Variants in RAD51C observed in about 807,000 individuals in gnomAD.
RAD51C encodes the protein RAD51 paralog C, also known as DNA repair protein RAD51 homolog 3.
RAD51C carries 42 observed loss-of-function variants against 45.0 expected under a neutral mutation model. That is an observed-to-expected ratio of 0.93 (90% CI 0.73 to 1.21). The LOEUF is 1.21. Ranked by LOEUF, RAD51C falls within the 50% of genes most tolerant of loss-of-function variation. The probability of loss-of-function intolerance (pLI) is 0.00; values close to 1 mark genes in which losing one functional copy is unlikely to be tolerated. For missense variants in RAD51C, 474 were observed against 452.2 expected (o/e 1.05, Z -0.44); for synonymous variants, 172 against 159.8 (o/e 1.08, Z -0.58).
At position 58,734,280 on chromosome 17, in the gene RAD51C, A is replaced by G; in HGVS notation, c.*58A>G. On this transcript the variant is annotated 3_prime_UTR_variant, in exon 9 of 9. Transcript: ENST00000337432. ...TTGATGTTGTGAAATCAATGTGTAC[A>G]AGTGGACTTGTTACCTTAAAGTATA... 6.4e-7 allele frequency: 1 copy of G among 1,572,684 alleles called. No homozygotes were observed. Among genetic ancestry groups the G allele is most frequent in the Non-Finnish European group, 8.7e-7 (1 of 1,155,964 alleles).
At chr17:58,712,243 G>A (rs2048579952) in intron 5 of RAD51C, among the ~76,000 whole-genome samples, 1 of 151,086 alleles carries the variant, frequency 6.6e-6, no homozygotes, top group Non-Finnish European at 1.5e-5. Context: ...TACTCAGGAG[G>A]CTGAGGCAGG....
intron 5 of RAD51C, 37 bp from the exon 6 acceptor site, chr17:58,720,709 G>A (rs2048887930): frequency 2.7e-6 from 4 of 1,506,548 alleles, no homozygotes; most frequent in Non-Finnish European, 3.7e-6. Flanking sequence ...AATTTTCAAA[G>A]AGACTCACCT....
intron 5 of RAD51C, among the ~76,000 whole-genome samples, chr17:58,719,964 G>A (rs917310317): frequency 1.1e-4 from 17 of 150,894 alleles, no homozygotes; most frequent in Non-Finnish European, 2.1e-4. Flanking sequence ...TCCTGACCTC[G>A]TGATCCGCTC....
chr17:58,712,466 ATTG>A (rs1476511552), intron 5 of RAD51C, among the ~76,000 whole-genome samples: 7 of 152,230 alleles, frequency 4.6e-5, no homozygotes, highest in East Asian at 3.9e-4. Context: ...TTGTGTAAAT[ATTG>A]TTGTCTGGTG....
intron 7 of RAD51C, among the ~76,000 whole-genome samples, chr17:58,727,692 T>C (rs1421874576): frequency 3.3e-5 from 5 of 152,072 alleles, no homozygotes; most frequent in African/African-American, 4.8e-5. Context: ...ATCTTTAAGT[T>C]GTTAAAGTTG....
In RAD51C at chr17:58,724,033, C is replaced by G. The variant is rs757624360; in HGVS notation, c.905-7C>G. On this transcript the variant is annotated splice_polypyrimidine_tract_variant and splice_region_variant and intron_variant, in intron 6 of 8. Transcript: ENST00000337432. Reference sequence around the variant, plus strand: ...CCATATACAGTTATTATGTTTTTTACTCTCAGGGGAAAGTTGGGGACATGC... The same window carrying G: ...CCATATACAGTTATTATGTTTTTTAGTCTCAGGGGAAAGTTGGGGACATGC... 1.2e-6 allele frequency: 2 copies of G among 1,609,910 alleles called. No homozygotes were observed. Among genetic ancestry groups the G allele is most frequent in the Non-Finnish European group, 1.7e-6 (2 of 1,176,288 alleles).
At chr17:58,724,216 A>G in intron 7 of RAD51C, 116 bp downstream of exon 7, 1 of 1,008,184 alleles carries the variant, frequency 9.9e-7, no homozygotes, top group Non-Finnish European at 1.5e-6. Flanking sequence ...CCATGAAGTG[A>G]CACTTTTGTT....
At position 58,702,173 on chromosome 17, in the gene RAD51C, T is replaced by G. The variant is rs145491765; in HGVS notation, c.572-1023T>G. On this transcript the variant is annotated intron_variant, in intron 3 of 8. Coordinates refer to ENST00000337432, the MANE Select transcript of RAD51C (RefSeq NM_058216.3). ...ATCACACCTGACTAATTTCTGTATT[T>G]TTTGCAGAGATGGGGTTTTCCATGT... is the stretch of plus-strand genomic sequence containing the variant. 2.6e-5 allele frequency among the ~76,000 whole-genome samples: 4 copies of G among 152,086 alleles called. No homozygotes were observed. The East Asian group carries it at 7.8e-4, about 29-fold the overall frequency.
chr17:58,699,586 A>G (rs2048141462), intron 3 of RAD51C, among the ~76,000 whole-genome samples: 2 of 152,318 alleles, frequency 1.3e-5, no homozygotes, highest in Admixed American at 1.3e-4. Flanking sequence ...GCTGAAGGCA[A>G]TTGAAAAGAA....
chr17:58,706,579 G>A, intron 4 of RAD51C: 1 of 459,044 alleles, frequency 2.2e-6, no homozygotes, highest in Non-Finnish European at 4.5e-6. Context: ...TGAAACCAAG[G>A]ACGACATAGC....
chr17:58,692,879 T>C, intron 1 of RAD51C, 91 bp downstream of exon 1: 2 of 1,577,766 alleles, frequency 1.3e-6, no homozygotes, highest in Admixed American at 1.7e-5. Context: ...CAGCCCAGTC[T>C]CCGTTAGATT....
chr17:58,720,274 G>A (rs1179292146), intron 5 of RAD51C, among the ~76,000 whole-genome samples: 1 of 150,646 alleles, frequency 6.6e-6, no homozygotes, highest in Admixed American at 6.6e-5. Context: ...AAATTAGCTG[G>A]GTGTGGTGGT....
chr17:58,714,501 C>A (rs2048664181), intron 5 of RAD51C, among the ~76,000 whole-genome samples: 3 of 152,140 alleles, frequency 2.0e-5, no homozygotes, highest in Admixed American at 2.0e-4. Flanking sequence ...CTCTGTCGCC[C>A]AGGTTGGAGT....
rs1567794537 is a variant in RAD51C, at chr17:58,703,341, A to G, written c.705+12A>G. ...CAGAACACTCAAAGGTATGAGTCAG[A>G]CTACTGAAATGTAACTAACCAAGTA... is the stretch of plus-strand genomic sequence containing the variant. On this transcript the variant is annotated intron_variant, in intron 4 of 8. Coordinates refer to ENST00000337432, the MANE Select transcript of RAD51C (RefSeq NM_058216.3). The G allele has an allele frequency of 1.2e-6, 2 of 1,608,648 alleles. No homozygotes were observed. The highest frequency in any genetic ancestry group is 1.7e-6 in the Non-Finnish European group (2 of 1,175,652).
Position 58,709,839 on chromosome 17 carries a change from A to C in RAD51C, c.706-20A>C, listed in dbSNP as rs374890526. 6.3e-7 allele frequency: 1 copy of C among 1,591,694 alleles called. No individual in the cohort carries two copies. The highest frequency in any genetic ancestry group is 8.6e-7 in the Non-Finnish European group (1 of 1,160,072). On this transcript the variant is annotated intron_variant, in intron 4 of 8. Transcript: ENST00000337432. The stretch of plus-strand genomic sequence containing the variant: ...TTTTATTTTTCGTAACAAATCTAAT[A>C]TTATCTCTTCTGTATTTAGGTTCGA...
intron 5 of RAD51C, among the ~76,000 whole-genome samples, chr17:58,711,710 C>T (rs2048562872): frequency 6.6e-6 from 1 of 151,652 alleles, no homozygotes; most frequent in South Asian, 2.1e-4. Context: ...CTCAAGCGAT[C>T]ATCTGCCGGC....
At chr17:58,697,794 CT>C (rs1357050713) in intron 3 of RAD51C, among the ~76,000 whole-genome samples, 1 of 151,202 alleles carries the variant, frequency 6.6e-6, no homozygotes, top group African/African-American at 2.4e-5. Context: ...CTCACTGCAA[CT>C]TCCACCTCCT....
At chr17:58,720,635 G>A in intron 5 of RAD51C, 111 bp from the exon 6 acceptor site, 1 of 781,678 alleles carries the variant, frequency 1.3e-6, no homozygotes, top group African/African-American at 1.7e-5. Flanking sequence ...ACCATGTCTG[G>A]TTAATTTTTG....
intron 5 of RAD51C, among the ~76,000 whole-genome samples, chr17:58,713,497 C>T (rs7216648): frequency 0.18 from 28,003 of 151,842 alleles, 2,753 homozygotes; most frequent in Non-Finnish European, 0.21. Flanking sequence ...CACACCACCA[C>T]ACCCAGCCAA....
Sources: gnomAD v4.1 joint callset for allele counts (sites outside exome capture counted in the v4.1 genomes callset) on GRCh38, gnomAD v4.1.1 for gene constraint, MANE v1.5 for transcripts, NCBI Gene and HGNC (gene_info 2026-07-23, HGNC 2026-07-21) for gene names.